The following ADAMTS9 variants were observed in gnomAD, a reference collection of about 807,000 sequenced individuals.
The protein encoded by ADAMTS9 is A disintegrin and metalloproteinase with thrombospondin motifs 9.
ADAMTS9 carries 107 observed loss-of-function variants against 257.1 expected under a neutral mutation model. The observed-to-expected ratio is 0.42, with a 90% confidence interval of 0.36 to 0.49. The LOEUF (loss-of-function observed/expected upper bound fraction) is 0.49. ADAMTS9 is among the 20% of genes least tolerant of loss of function. ADAMTS9 has a pLI of 0.03. For synonymous variants in ADAMTS9, 982 were observed against 880.9 expected (o/e 1.11, Z -2.03); for missense variants, 2,353 against 2,469.1 (o/e 0.95, Z 1.00).
chr3:64,561,578 T>C lies in ADAMTS9; in HGVS notation c.4698A>G (p.Glu1566=). The stretch of plus-strand genomic sequence containing the variant: ...GGTACCCCTTTGTGGCTCTACTTAC[T>C]TCTTGCCATTCCTCTGCCCTCCAAG... ...LYTWRAEEWQ[E]CTKTCGEGSR... The change falls in exon 30 of 40, where the codon GAA becomes GAG. Residue 1566 remains glutamate (E), a splice_region_variant and synonymous_variant. Coordinates refer to ENST00000498707, the MANE Select transcript of ADAMTS9 (RefSeq NM_182920.2). 2 of 1,612,698 alleles carry C rather than the reference T, an allele frequency of 1.2e-6. No individual in the cohort carries two copies. Among genetic ancestry groups the C allele is most frequent in the Admixed American group, 1.7e-5 (1 of 59,902 alleles).
Position 64,641,182 on chromosome 3 carries a change from T to A in ADAMTS9, c.1856+666A>T, listed in dbSNP as rs1700627444. ...GGAATATATTAGTCTACAAACTGGA[T>A]GAAAATGTCCAATTTTTTTGTTTCC... On this transcript the variant is annotated intron_variant, in intron 12 of 39. Coordinates refer to ENST00000498707, the MANE Select transcript of ADAMTS9 (RefSeq NM_182920.2). Among the ~76,000 whole-genome samples the A allele has an allele frequency of 1.3e-5, 2 of 151,950 alleles. 1 individual carries two copies. The highest frequency in any genetic ancestry group is 4.1e-4 in the South Asian group (2 of 4,826).
In ADAMTS9 at chr3:64,615,990, C is replaced by T. The variant is rs111661242; in HGVS notation, c.2994G>A (p.Thr998=). The T allele has an allele frequency of 1.7e-5, 28 of 1,613,634 alleles. No individual in the cohort carries two copies. Among genetic ancestry groups the T allele is most frequent in the African/African-American group, 6.7e-5 (5 of 75,018 alleles). ...NREKCSGECN[T]GGWRYSAWTE... is the part of the protein sequence containing the mutation. ...TCCAGGCAGAATAGCGCCAGCCACC[C>T]GTGTTACATTCCCCTGAGCATTTTT... Residue 998 remains threonine (T), a synonymous_variant, in exon 20 of 40, where the codon ACG becomes ACA. Coordinates refer to ENST00000498707, the MANE Select transcript of ADAMTS9 (RefSeq NM_182920.2).
intron 8 of ADAMTS9, among the ~76,000 whole-genome samples, chr3:64,651,948 T>C (rs1211196002): frequency 5.9e-5 from 9 of 152,178 alleles, no homozygotes; most frequent in Admixed American, 5.9e-4. Flanking sequence ...TGCAGCAGCA[T>C]GAACACATAT....
At chr3:64,643,849 G>C (rs892075870) in intron 11 of ADAMTS9, among the ~76,000 whole-genome samples, 3 of 151,628 alleles carry the variant, frequency 2.0e-5, no homozygotes, top group Admixed American at 6.6e-5. Flanking sequence ...GCACATCTCA[G>C]TTCATGTCGA....
chr3:64,542,220 T>TACACAC (rs60208170), intron 32 of ADAMTS9, among the ~76,000 whole-genome samples: 7 of 133,190 alleles, frequency 5.3e-5, no homozygotes, highest in Admixed American at 1.4e-4. Flanking sequence ...TGTGTAATTT[T>TACACAC]ACACACACAC....
chr3:64,609,142 G>GA (rs914910630), intron 22 of ADAMTS9, among the ~76,000 whole-genome samples: 25 of 151,832 alleles, frequency 1.6e-4, no homozygotes, highest in Middle Eastern at 3.2e-3. Flanking sequence ...GAGCAGTTAG[G>GA]AAAAAAACCC....
At chr3:64,528,678 G>A (rs968171467) in intron 38 of ADAMTS9, among the ~76,000 whole-genome samples, 13 of 152,120 alleles carry the variant, frequency 8.5e-5, no homozygotes, top group African/African-American at 3.1e-4. Context: ...GCCAACTTCC[G>A]AAACAATATG....
At chr3:64,653,738 C>T (rs781466925) in intron 8 of ADAMTS9, among the ~76,000 whole-genome samples, 4 of 152,032 alleles carry the variant, frequency 2.6e-5, no homozygotes, top group Non-Finnish European at 5.9e-5. Flanking sequence ...AGTGTTTTGC[C>T]CCATGTTCTA....
intron 29 of ADAMTS9, among the ~76,000 whole-genome samples, chr3:64,564,951 G>A (rs2083505571): frequency 6.6e-6 from 1 of 152,190 alleles, no homozygotes; most frequent in Non-Finnish European, 1.5e-5. Context: ...AGGTAGCATA[G>A]CTACTGCGAA....
chr3:64,555,713 G>A (rs1376629288), intron 30 of ADAMTS9, among the ~76,000 whole-genome samples: 1 of 152,170 alleles, frequency 6.6e-6, no homozygotes, highest in African/African-American at 2.4e-5. Context: ...AGATGAGCAG[G>A]AGAATGATGG....
chr3:64,646,016 G>A (rs1300866653), intron 11 of ADAMTS9, among the ~76,000 whole-genome samples: 5 of 152,298 alleles, frequency 3.3e-5, no homozygotes, highest in Non-Finnish European at 5.9e-5. Context: ...TTGACAGCAC[G>A]TTCATGACAG....
chr3:64,662,190 T>A (rs1701240050), intron 3 of ADAMTS9, among the ~76,000 whole-genome samples: 1 of 152,146 alleles, frequency 6.6e-6, no homozygotes, highest in African/African-American at 2.4e-5. Flanking sequence ...GAGTGTGCTG[T>A]TTAATTTCCA....
intron 36 of ADAMTS9, among the ~76,000 whole-genome samples, chr3:64,540,692 C>A (rs1426583919): frequency 6.6e-6 from 1 of 152,190 alleles, no homozygotes; most frequent in Admixed American, 6.5e-5. Flanking sequence ...CTGTGCCTGG[C>A]TAACCCTAAC....
At chr3:64,579,578 GT>G (rs1396007222) in intron 28 of ADAMTS9, among the ~76,000 whole-genome samples, 1 of 151,278 alleles carries the variant, frequency 6.6e-6, no homozygotes, top group East Asian at 1.9e-4. Context: ...GTTTTTGTGT[GT>G]TTTTTTTCAC....
intron 38 of ADAMTS9, among the ~76,000 whole-genome samples, chr3:64,529,557 G>A (rs1354923993): frequency 1.3e-5 from 2 of 152,202 alleles, no homozygotes; most frequent in South Asian, 2.1e-4. Context: ...AGAGAAGACT[G>A]GGCCACAGGC....
At chr3:64,542,270 C>G (rs1480954637) in intron 32 of ADAMTS9, among the ~76,000 whole-genome samples, 1 of 151,950 alleles carries the variant, frequency 6.6e-6, no homozygotes, top group Non-Finnish European at 1.5e-5. Context: ...CTCACAGTAC[C>G]CCTATGAGAT....
intron 3 of ADAMTS9, among the ~76,000 whole-genome samples, chr3:64,679,635 AT>A (rs1180687273): frequency 6.6e-6 from 1 of 152,268 alleles, no homozygotes; most frequent in Non-Finnish European, 1.5e-5. Context: ...AGTGAAAAAA[AT>A]ATTTCAGTGT....
At position 64,596,843 on chromosome 3, in the gene ADAMTS9, C is replaced by T. The variant is rs757408086; in HGVS notation, c.4166G>A (p.Gly1389Asp). The change falls in exon 27 of 40, where the codon GGC becomes GAC. Residue 1389 changes from glycine to aspartate, a missense_variant. Physicochemically the swap from Gly to Asp is moderately conservative, Grantham distance 94. Transcript: ENST00000498707. ...GTTCACTCTCACCTCTCCCCAGTTG[C>T]CATAAGCCCACTGAGGACAAGGGCC... ...ESGPCPQWAY[G>D]NWGECTKLCG... is the part of the protein sequence containing the mutation. 6.2e-7 allele frequency: 1 copy of T among 1,613,964 alleles called. No homozygotes were observed. The highest frequency in any genetic ancestry group is 8.5e-7 in the Non-Finnish European group (1 of 1,179,898).
At chr3:64,566,027 C>T (rs1448926773) in intron 29 of ADAMTS9, among the ~76,000 whole-genome samples, 1 of 152,126 alleles carries the variant, frequency 6.6e-6, no homozygotes, top group Non-Finnish European at 1.5e-5. Context: ...ATCATCAGAC[C>T]TTTCGATGTG....
Sources: allele counts gnomAD v4.1 joint callset (sites outside exome capture counted in the v4.1 genomes callset), GRCh38; gene constraint gnomAD v4.1.1; transcripts MANE v1.5; gene names NCBI Gene and HGNC (gene_info 2026-07-23, HGNC 2026-07-21).